Variants in PRKG1 observed in about 807,000 individuals in gnomAD.
PRKG1 encodes protein kinase cGMP-dependent 1.
In PRKG1, 35 loss-of-function variants were observed where a neutral mutation model predicts 88.1. That is an observed-to-expected ratio of 0.40 (90% confidence interval 0.30 to 0.53). PRKG1 has a LOEUF of 0.53. Ranked by LOEUF, PRKG1 falls within the 20% of genes least tolerant of loss-of-function variation. PRKG1 has a pLI of 0.59. For missense variants in PRKG1, 540 were observed against 839.8 expected (o/e 0.64, Z 4.41); for synonymous variants, 303 against 292.5 (o/e 1.04, Z -0.37).
intron 1 of PRKG1, among the ~76,000 whole-genome samples, chr10:51,006,936 A>ATTTTTTT (rs34941069): frequency 8.6e-6 from 1 of 116,818 alleles, no homozygotes. Flanking sequence ...AGGGCCTGAG[A>ATTTTTTT]TTTTTTTTTT....
At chr10:51,206,119 A>G (rs1454054606) in intron 2 of PRKG1, among the ~76,000 whole-genome samples, 1 of 152,186 alleles carries the variant, frequency 6.6e-6, no homozygotes, top group Non-Finnish European at 1.5e-5. Context: ...GTTCTGGTGA[A>G]GGTAGCTTAC....
intron 3 of PRKG1, among the ~76,000 whole-genome samples, chr10:51,517,162 C>G (rs188109998): frequency 7.0e-4 from 107 of 152,090 alleles, no homozygotes; most frequent in African/African-American, 2.4e-3. Context: ...TCTAAGGAAA[C>G]GAAGATCAGA....
intron 3 of PRKG1, among the ~76,000 whole-genome samples, chr10:51,687,424 T>G (rs937330408): frequency 6.6e-6 from 1 of 152,212 alleles, no homozygotes; most frequent in Non-Finnish European, 1.5e-5. Context: ...TGTTGAGGGT[T>G]TATTCACACT....
In PRKG1 at chr10:52,013,246, G is replaced by A. The variant is rs146927843; in HGVS notation, c.763-41238G>A. On this transcript the variant is annotated intron_variant, in intron 5 of 17. Coordinates refer to ENST00000373980, the MANE Select transcript of PRKG1 (RefSeq NM_006258.4). ...ATCCTGGCTAACACGGTGAAACCCCGTCTCTACTAAAAATACAAAAAAATT... is the reference window on the plus strand; with the variant it reads ...ATCCTGGCTAACACGGTGAAACCCCATCTCTACTAAAAATACAAAAAAATT... Among the ~76,000 whole-genome samples, 601 of 152,078 alleles carry A rather than the reference G, an allele frequency of 4.0e-3. 3 individuals carry two copies. The highest frequency in any genetic ancestry group is 0.013 in the African/African-American group (542 of 41,504).
At chr10:51,325,971 T>C (rs960624812) in intron 2 of PRKG1, among the ~76,000 whole-genome samples, 2 of 152,176 alleles carry the variant, frequency 1.3e-5, no homozygotes, top group Non-Finnish European at 2.9e-5. Flanking sequence ...GAGAGGATAC[T>C]GTTTTCTGAG....
chr10:51,631,669 A>T (rs1262002375), intron 3 of PRKG1, among the ~76,000 whole-genome samples: 1 of 152,224 alleles, frequency 6.6e-6, no homozygotes, highest in East Asian at 1.9e-4. Flanking sequence ...CAGGCATTAG[A>T]TTCTCATAAG....
chr10:52,147,397 A>T (rs1837759638), intron 8 of PRKG1, among the ~76,000 whole-genome samples: 1 of 152,202 alleles, frequency 6.6e-6, no homozygotes, highest in Non-Finnish European at 1.5e-5. Context: ...TAATACACTC[A>T]TGTCAGCTAA....
At chr10:51,257,765 T>C (rs1382107674) in intron 2 of PRKG1, among the ~76,000 whole-genome samples, 3 of 152,134 alleles carry the variant, frequency 2.0e-5, no homozygotes, top group Non-Finnish European at 4.4e-5. Context: ...CATTCCACCA[T>C]TCCTGAACCA....
At chr10:51,869,018 A>G (rs1251297155) in intron 4 of PRKG1, among the ~76,000 whole-genome samples, 2 of 152,126 alleles carry the variant, frequency 1.3e-5, no homozygotes, top group Non-Finnish European at 2.9e-5. Context: ...CTCTATTTGT[A>G]TTTATAATAT....
At chr10:51,146,413 T>A (rs547234290) in intron 1 of PRKG1, among the ~76,000 whole-genome samples, 2 of 140,474 alleles carry the variant, frequency 1.4e-5, no homozygotes, top group Non-Finnish European at 3.1e-5. Context: ...CACATGCCCA[T>A]GTTTTAATCA....
intron 4 of PRKG1, among the ~76,000 whole-genome samples, chr10:51,865,794 A>G (rs1840999527): frequency 6.6e-6 from 1 of 152,192 alleles, no homozygotes; most frequent in Non-Finnish European, 1.5e-5. Flanking sequence ...ATGTTTGACT[A>G]AAATTTATTT....
intron 1 of PRKG1, among the ~76,000 whole-genome samples, chr10:51,065,799 AG>A (rs1843742790): frequency 6.6e-6 from 1 of 152,254 alleles, no homozygotes; most frequent in African/African-American, 2.4e-5. Context: ...TTGCTTTCAT[AG>A]TTTACAGTCT....
chr10:51,544,991 T>A (rs1024538290), intron 3 of PRKG1, among the ~76,000 whole-genome samples: 2 of 152,068 alleles, frequency 1.3e-5, no homozygotes, highest in African/African-American at 4.8e-5. Flanking sequence ...TGAGGTTTTT[T>A]TTTTTATTTT....
At chr10:51,124,611 C>A in intron 1 of PRKG1, among the ~76,000 whole-genome samples, 1 of 152,138 alleles carries the variant, frequency 6.6e-6, no homozygotes, top group East Asian at 1.9e-4. Context: ...TCATTGGAAG[C>A]AGTCATATAT....
At chr10:51,653,099 A>G (rs1325939285) in intron 3 of PRKG1, among the ~76,000 whole-genome samples, 1 of 152,172 alleles carries the variant, frequency 6.6e-6, no homozygotes, top group Non-Finnish European at 1.5e-5. Context: ...ACATTTCTTT[A>G]TTCATTCATC....
At chr10:51,967,414 G>T (rs1284975890) in intron 5 of PRKG1, among the ~76,000 whole-genome samples, 2 of 152,080 alleles carry the variant, frequency 1.3e-5, no homozygotes, top group Admixed American at 6.6e-5. Flanking sequence ...CCTGTTGTGG[G>T]GTGGGGGATG....
chr10:51,779,346 C>T (rs572138392), intron 3 of PRKG1, among the ~76,000 whole-genome samples: 3 of 152,188 alleles, frequency 2.0e-5, no homozygotes, highest in Non-Finnish European at 4.4e-5. Flanking sequence ...CCCCTGTCTA[C>T]CAAGCAAATC....
At chr10:51,716,151 T>C (rs983059074) in intron 3 of PRKG1, among the ~76,000 whole-genome samples, 7 of 152,226 alleles carry the variant, frequency 4.6e-5, no homozygotes, top group African/African-American at 1.7e-4. Context: ...CTACTACTGC[T>C]TGCTTCTTGC....
chr10:51,206,059 C>G (rs1342915046), intron 2 of PRKG1, among the ~76,000 whole-genome samples: 1 of 152,094 alleles, frequency 6.6e-6, no homozygotes, highest in African/African-American at 2.4e-5. Context: ...GCAGGGTAAA[C>G]AGTCAATTTT....
Sources: gnomAD v4.1 joint callset for allele counts (sites outside exome capture counted in the v4.1 genomes callset) on GRCh38, gnomAD v4.1.1 for gene constraint, MANE v1.5 for transcripts, NCBI Gene and HGNC (gene_info 2026-07-23, HGNC 2026-07-21) for gene names.